MLLT6: variants seen among roughly 807,000 people sequenced by gnomAD.
The protein encoded by MLLT6 is protein AF-17.
MLLT6 carries 22 observed loss-of-function variants against 103.0 expected under a neutral mutation model. The observed-to-expected ratio is 0.21, with a 90% CI of 0.15 to 0.31. The LOEUF (loss-of-function observed/expected upper bound fraction) is 0.31, where lower values mean the gene tolerates loss of function less well. MLLT6 is among the 10% of genes least tolerant of loss of function. MLLT6 has a pLI of 1.00. For missense variants in MLLT6, 1,199 were observed against 1,441.7 expected (o/e 0.83, Z 2.73); for synonymous variants, 606 against 623.5 (o/e 0.97, Z 0.42).
rs1905102691 is a variant in MLLT6 at position 38,710,325 on chromosome 17, G to A, written c.552+750G>A. 2.0e-5 allele frequency among the ~76,000 whole-genome samples: 3 copies of A among 152,142 alleles called. No homozygotes were observed. The South Asian group carries it at 6.2e-4, about 32-fold the overall frequency. Reference sequence around the variant, plus strand: ...GGTGCTACTCTGTGTCTGTGTTTGTGGAGAGACGTGTGTCCCAGAAGCTGT... The same window carrying A: ...GGTGCTACTCTGTGTCTGTGTTTGTAGAGAGACGTGTGTCCCAGAAGCTGT... On this transcript the variant is annotated intron_variant, in intron 6 of 19. Coordinates refer to ENST00000621332, the MANE Select transcript of MLLT6 (RefSeq NM_005937.4).
Position 38,728,236 on chromosome 17 carries a change from A to G in MLLT6, c.*2638A>G, listed in dbSNP as rs1295891110. The G allele has an allele frequency of 4.3e-6, 1 of 233,382 alleles. No individual in the cohort carries two copies. Among genetic ancestry groups the G allele is most frequent in the Non-Finnish European group, 8.5e-6 (1 of 118,112 alleles). 14.5% of individuals were successfully genotyped at this position (233,382 alleles called of 1,614,324 possible). A position where few individuals can be genotyped will look rare whatever the true frequency, so the allele number is the denominator to read the frequency against. ...GGCATTTCCTTCTCAGGGAGCTTCAATGGGAAAGGTCTCGAAAGCTTCAGG... is the reference window on the plus strand; with the variant it reads ...GGCATTTCCTTCTCAGGGAGCTTCAGTGGGAAAGGTCTCGAAAGCTTCAGG... On this transcript the variant is annotated 3_prime_UTR_variant, in exon 20 of 20. Transcript: ENST00000621332.
chr17:38,709,503 G>C lies in MLLT6; in HGVS notation c.480G>C (p.Leu160=). 6.2e-7 allele frequency: 1 copy of C among 1,614,220 alleles called. No homozygotes were observed. Among genetic ancestry groups the C allele is most frequent in the East Asian group, 2.2e-5 (1 of 44,892 alleles). ...TTAGTGCCCAAATGGCAGGCTTGCT[G>C]TGTGAGGAAGAAGTGCTGGAGGTGG... is the stretch of plus-strand genomic sequence containing the variant. The part of the protein sequence containing the change: ...HVTCAQMAGL[L]CEEEVLEVDN... The change falls in exon 6 of 20, where the codon CTG becomes CTC. Residue 160 remains leucine, a synonymous_variant. Transcript: ENST00000621332. This position sits in a 1 kb window ranked among gnomAD's most constrained non-coding sequence, Gnocchi z 4.3.
chr17:38,729,629 A>T lies in MLLT6; in HGVS notation c.*4031A>T, dbSNP rs887800356. 4.3e-6 allele frequency: 1 copy of T among 231,152 alleles called. No individual in the cohort carries two copies. Among genetic ancestry groups the T allele is most frequent in the Admixed American group, 5.7e-5 (1 of 17,680 alleles). 14.3% of individuals were successfully genotyped at this position (231,152 alleles called of 1,614,324 possible). A position where few individuals can be genotyped will look rare whatever the true frequency, so the allele number is the denominator to read the frequency against. On this transcript the variant is annotated 3_prime_UTR_variant, in exon 20 of 20. Coordinates refer to ENST00000621332, the MANE Select transcript of MLLT6 (RefSeq NM_005937.4). ...CTTTTTCATTCTTTCTAAAACCTTG[A>T]TATCCTCAGCCCAAAGGCGATGCCC...
chr17:38,713,287 C>T (rs2143679497), intron 8 of MLLT6: 2 of 417,804 alleles, frequency 4.8e-6, no homozygotes, highest in Middle Eastern at 6.0e-4. Context: ...CCACTCATCC[C>T]ACCATTCCCA....
At chr17:38,717,083 C>A (rs1357737056) in intron 10 of MLLT6, 102 bp downstream of exon 10, 2 of 1,513,180 alleles carry the variant, frequency 1.3e-6, no homozygotes, top group African/African-American at 2.8e-5. Context: ...GGATACCACT[C>A]CAAAAGATAG....
At position 38,727,052 on chromosome 17, in the gene MLLT6, T is replaced by C; in HGVS notation, c.*1454T>C. The C allele has an allele frequency of 4.3e-6, 1 of 233,482 alleles. No homozygotes were observed. Among genetic ancestry groups the C allele is most frequent in the Non-Finnish European group, 8.5e-6 (1 of 117,952 alleles). 14.5% of individuals were successfully genotyped at this position (233,482 alleles called of 1,614,324 possible). On this transcript the variant is annotated 3_prime_UTR_variant, in exon 20 of 20. Transcript: ENST00000621332. ...GGAGCCCAGGGTAGGGGTTTCCAGC[T>C]TCCCCAGGCTCCGGCCTTGTCAGTC... is the stretch of plus-strand genomic sequence containing the variant.
At chr17:38,711,089 G>A (rs1303653527) in intron 6 of MLLT6, among the ~76,000 whole-genome samples, 1 of 152,186 alleles carries the variant, frequency 6.6e-6, no homozygotes, top group African/African-American at 2.4e-5. Context: ...ACACTGGGGA[G>A]CTGCCCACTG....
At chr17:38,721,064 G>A in intron 16 of MLLT6, 1 of 464,662 alleles carries the variant, frequency 2.2e-6, no homozygotes. Flanking sequence ...GAGAGAACGG[G>A]GGAGGGCTGC....
rs1005088572 is a variant in MLLT6 at position 38,728,222 on chromosome 17, C to G, written c.*2624C>G. On this transcript the variant is annotated 3_prime_UTR_variant, in exon 20 of 20. Coordinates refer to ENST00000621332, the MANE Select transcript of MLLT6 (RefSeq NM_005937.4). ...ATGAGAGAGGTAGTGGCATTTCCTT[C>G]TCAGGGAGCTTCAATGGGAAAGGTC... 4.3e-6 allele frequency: 1 copy of G among 233,236 alleles called. No homozygotes were observed. Among genetic ancestry groups the G allele is most frequent in the Non-Finnish European group, 8.5e-6 (1 of 118,110 alleles). 14.4% of individuals were successfully genotyped at this position (233,236 alleles called of 1,614,324 possible).
Position 38,712,091 on chromosome 17 carries a change from A to G in MLLT6, c.720+77A>G, listed in dbSNP as rs1205390836. On this transcript the variant is annotated intron_variant, in intron 7 of 19. Coordinates refer to ENST00000621332, the MANE Select transcript of MLLT6 (RefSeq NM_005937.4). ...CACAAACATGGCTCAAAAAGCCATC[A>G]TGAGGTGCCCTTAAGGTCTTGGCCC... 1.5e-5 allele frequency: 21 copies of G among 1,446,696 alleles called. No homozygotes were observed. In the South Asian group the frequency reaches 3.2e-4, roughly 22 times the overall value. The allele number at this position is 1,446,696 out of a possible 1,614,324, so 89.6% of individuals were successfully genotyped here.
chr17:38,729,026 C>G lies in MLLT6; in HGVS notation c.*3428C>G, dbSNP rs2143725583. On this transcript the variant is annotated 3_prime_UTR_variant, in exon 20 of 20. Transcript: ENST00000621332. Reference sequence around the variant, plus strand: ...CTGCCTGTTTCCCCCATACTGAGTTCTAGGGAGGTGCTCACCCCAGACTCT... The same window carrying G: ...CTGCCTGTTTCCCCCATACTGAGTTGTAGGGAGGTGCTCACCCCAGACTCT... 1 of 233,610 alleles carries G rather than the reference C, an allele frequency of 4.3e-6. No homozygotes were observed. Among genetic ancestry groups the G allele is most frequent in the East Asian group, 6.0e-5 (1 of 16,590 alleles). The allele number at this position is 233,610 out of a possible 1,614,324, so 14.5% of individuals were successfully genotyped here.
At position 38,711,911 on chromosome 17, in the gene MLLT6, G is replaced by C; in HGVS notation, c.617G>C (p.Gly206Ala). ...GGAGGGGGSM[G>A]GGGSGFISGR... ...GCTGGAGGAGGAGGTGGCAGCATGGGGGGAGGTGGCAGTGGTTTCATCTCT... is the reference window on the plus strand; with the variant it reads ...GCTGGAGGAGGAGGTGGCAGCATGGCGGGAGGTGGCAGTGGTTTCATCTCT... The change falls in exon 7 of 20, where the codon GGG becomes GCG. Residue 206 changes from glycine to alanine, a missense_variant. Coordinates refer to ENST00000621332, the MANE Select transcript of MLLT6 (RefSeq NM_005937.4). 7 of 1,608,574 alleles carry C rather than the reference G, an allele frequency of 4.4e-6. No individual in the cohort carries two copies. Among genetic ancestry groups the C allele is most frequent in the South Asian group, 1.1e-5 (1 of 90,402 alleles).
chr17:38,707,091 T>C (rs1348534150), intron 2 of MLLT6, 62 bp downstream of exon 2: 2 of 1,471,858 alleles, frequency 1.4e-6, no homozygotes, highest in Non-Finnish European at 1.9e-6. Context: ...GCGTCTCAGG[T>C]TGAGCTAGGG....
Position 38,721,861 on chromosome 17 carries a change from TCCCCCTCCCTC to T in MLLT6, c.2443-13_2443-3del. 1.3e-6 allele frequency: 2 copies of T among 1,523,622 alleles called. No homozygotes were observed. Among genetic ancestry groups the T allele is most frequent in the Non-Finnish European group, 1.8e-6 (2 of 1,136,656 alleles). The allele number at this position is 1,523,622 out of a possible 1,614,324, so 94.4% of individuals were successfully genotyped here. ...CATGCTGGCCCTCTGACCCCTCCCT[TCCCCCTCCCTC>T]CCCAGGACCCACACTCAGGCTGCCC... On this transcript the variant is annotated splice_polypyrimidine_tract_variant and splice_region_variant and intron_variant, in intron 16 of 19. Transcript: ENST00000621332.
intron 19 of MLLT6, chr17:38,725,241 C>T (rs1182356905): frequency 3.6e-5 from 19 of 530,398 alleles, no homozygotes; most frequent in Non-Finnish European, 6.2e-5. Flanking sequence ...TTAGAAAAAG[C>T]CATTTTGTTT....
rs2143675537 is a variant in MLLT6 at position 38,711,955 on chromosome 17, G to A, written c.661G>A (p.Ala221Thr). Residue 221 changes from alanine to threonine, a missense_variant, in exon 7 of 20, where the codon GCC becomes ACC. Coordinates refer to ENST00000621332, the MANE Select transcript of MLLT6 (RefSeq NM_005937.4). The stretch of plus-strand genomic sequence containing the variant: ...CATCTCTGGGAGGAGAAGCCGGTCA[G>A]CCTCACCATCCACGCAGCAGGAGAA... ...GFISGRRSRS[A>T]SPSTQQEKHP... The A allele has an allele frequency of 1.9e-6, 3 of 1,609,344 alleles. No individual in the cohort carries two copies. The highest frequency in any genetic ancestry group is 3.3e-4 in the Middle Eastern group (2 of 6,022).
At position 38,724,996 on chromosome 17, in the gene MLLT6, C is replaced by T. The variant is rs1905948542; in HGVS notation, c.3240+20C>T. The stretch of plus-strand genomic sequence containing the variant: ...GGAGGGGTGAGTAAGGGGCCCGGGG[C>T]CTTCCTGCCTCCCCTCTGAGGGATG... On this transcript the variant is annotated intron_variant, in intron 19 of 19. Coordinates refer to ENST00000621332, the MANE Select transcript of MLLT6 (RefSeq NM_005937.4). This position sits in a 1 kb window ranked among gnomAD's most constrained non-coding sequence, Gnocchi z 5.4. 1.4e-6 allele frequency: 2 copies of T among 1,448,778 alleles called. No individual in the cohort carries two copies. Among genetic ancestry groups the T allele is most frequent in the South Asian group, 2.6e-5 (2 of 76,340 alleles). 89.7% of individuals were successfully genotyped at this position (1,448,778 alleles called of 1,614,324 possible).
chr17:38,707,729 A>T, intron 3 of MLLT6, 34 bp from the exon 4 acceptor site: 1 of 1,407,652 alleles, frequency 7.1e-7, no homozygotes, highest in Non-Finnish European at 1.0e-6. Flanking sequence ...CCGGCTTGCC[A>T]TCTGCAGCTG....
At chr17:38,708,168 C>T (rs573403632) in intron 4 of MLLT6, 3 of 445,238 alleles carry the variant, frequency 6.7e-6, no homozygotes, top group Non-Finnish European at 1.2e-5. Context: ...TGTGCCAGAC[C>T]TGGTGCAAGG....
Sources: allele counts gnomAD v4.1 joint callset (sites outside exome capture counted in the v4.1 genomes callset), GRCh38; gene constraint gnomAD v4.1.1; non-coding constraint Gnocchi (gnomAD v3.1); transcripts MANE v1.5; gene names NCBI Gene and HGNC (gene_info 2026-07-23, HGNC 2026-07-21).